CADPS2: variants seen among roughly 807,000 people sequenced by gnomAD.
The protein encoded by CADPS2 is calcium-dependent secretion activator 2.
A neutral mutation model predicts 172.5 loss-of-function variants in CADPS2; 93 were observed. That is an observed-to-expected ratio of 0.54 (90% CI 0.46 to 0.64). The LOEUF is 0.64. Among genes scored for constraint, CADPS2 ranks in the 30% least tolerant of loss-of-function variants. CADPS2 has a pLI of 0.00. For missense variants in CADPS2, 1,420 were observed against 1,565.9 expected, an observed-to-expected ratio of 0.91 and a Z score of 1.57; for synonymous variants, 546 against 555.2, an observed-to-expected ratio of 0.98 and a Z score of 0.23.
chr7:122,769,328 G>A (rs1219481976), intron 1 of CADPS2, among the ~76,000 whole-genome samples: 1 of 152,170 alleles, frequency 6.6e-6, no homozygotes, highest in African/African-American at 2.4e-5. Context: ...GATAGATAGA[G>A]CTTTCCGTAT....
intron 6 of CADPS2, among the ~76,000 whole-genome samples, chr7:122,606,169 T>A (rs1416174163): frequency 6.6e-6 from 1 of 152,186 alleles, no homozygotes; most frequent in Non-Finnish European, 1.5e-5. Context: ...ATTTGCCTTT[T>A]GAACGGTACC....
intron 14 of CADPS2, among the ~76,000 whole-genome samples, chr7:122,466,555 C>T (rs2055162626): frequency 6.6e-6 from 1 of 152,142 alleles, no homozygotes; most frequent in Non-Finnish European, 1.5e-5. Flanking sequence ...CTGATTGAAA[C>T]CTGTTTGTGG....
chr7:122,809,617 C>G (rs1799585945), intron 1 of CADPS2, among the ~76,000 whole-genome samples: 1 of 150,556 alleles, frequency 6.6e-6, no homozygotes, highest in Non-Finnish European at 1.5e-5. Flanking sequence ...ACTAGGAATT[C>G]AAGATGATGT....
At chr7:122,572,874 G>A (rs1587454647) in intron 7 of CADPS2, among the ~76,000 whole-genome samples, 1 of 152,098 alleles carries the variant, frequency 6.6e-6, no homozygotes, top group East Asian at 1.9e-4. Context: ...ACCTGGTGGA[G>A]GGTTGGCCAT....
At chr7:122,746,929 C>T (rs530720690) in intron 1 of CADPS2, among the ~76,000 whole-genome samples, 3 of 152,218 alleles carry the variant, frequency 2.0e-5, no homozygotes, top group African/African-American at 7.2e-5. Context: ...CATTATCTTC[C>T]AAAATTCTGC....
intron 2 of CADPS2, among the ~76,000 whole-genome samples, chr7:122,696,265 C>T (rs1275247714): frequency 6.6e-6 from 1 of 152,180 alleles, no homozygotes; most frequent in Non-Finnish European, 1.5e-5. Context: ...AATGACTTTA[C>T]TCTCCCAGGG....
intron 1 of CADPS2, among the ~76,000 whole-genome samples, chr7:122,838,682 C>T (rs191552094): frequency 2.0e-5 from 3 of 152,154 alleles, no homozygotes; most frequent in Middle Eastern, 3.2e-3. Flanking sequence ...TTCACAATTG[C>T]TTCAAAGAGA....
chr7:122,449,312 CT>C (rs899423682), intron 15 of CADPS2, among the ~76,000 whole-genome samples: 1 of 151,796 alleles, frequency 6.6e-6, no homozygotes, highest in African/African-American at 2.4e-5. Flanking sequence ...GGAGACAACA[CT>C]TTTTTTTGTT....
At chr7:122,582,939 A>G (rs1030850817) in intron 6 of CADPS2, among the ~76,000 whole-genome samples, 3 of 151,984 alleles carry the variant, frequency 2.0e-5, no homozygotes, top group South Asian at 2.1e-4. Flanking sequence ...TTTACACTAC[A>G]TGTTCATTTT....
At chr7:122,724,157 C>A (rs1351996261) in intron 2 of CADPS2, among the ~76,000 whole-genome samples, 1 of 151,702 alleles carries the variant, frequency 6.6e-6, no homozygotes, top group South Asian at 2.1e-4. Context: ...TGCACATATA[C>A]CCTATAACTT....
chr7:122,466,989 G>A (rs1166840441), intron 14 of CADPS2, among the ~76,000 whole-genome samples: 1 of 152,082 alleles, frequency 6.6e-6, no homozygotes, highest in Admixed American at 6.6e-5. Context: ...TTGAACTTGA[G>A]GTTGGGTGAG....
intron 4 of CADPS2, among the ~76,000 whole-genome samples, chr7:122,623,675 C>A (rs905588289): frequency 6.6e-6 from 1 of 152,158 alleles, no homozygotes; most frequent in African/African-American, 2.4e-5. Flanking sequence ...CACCTAGTTT[C>A]TCATATGCTC....
At chr7:122,701,921 T>C in intron 2 of CADPS2, 1 of 1,613,684 alleles carries the variant, frequency 6.2e-7, no homozygotes, top group Non-Finnish European at 8.5e-7. Flanking sequence ...GAAAAAATGT[T>C]TGCAAGTTAA....
intron 8 of CADPS2, among the ~76,000 whole-genome samples, chr7:122,540,838 T>C (rs2062838911): frequency 6.6e-6 from 1 of 152,160 alleles, no homozygotes; most frequent in Non-Finnish European, 1.5e-5. Flanking sequence ...TATCACAAAG[T>C]TCCAGTTTTC....
chr7:122,409,090 A>T (rs2047005789), intron 19 of CADPS2, among the ~76,000 whole-genome samples: 1 of 152,214 alleles, frequency 6.6e-6, no homozygotes, highest in Admixed American at 6.5e-5. Flanking sequence ...TTTTGCATAT[A>T]TTACCTTTGA....
In CADPS2 at chr7:122,590,489, T is replaced by C. The variant is rs143621312; in HGVS notation, c.1224-9199A>G. On this transcript the variant is annotated intron_variant, in intron 6 of 29. Coordinates refer to ENST00000449022, the MANE Select transcript of CADPS2 (RefSeq NM_017954.11). ...CAAGACTTAAGACATTCCCCTTGTATGGCTGCGCTATAATTTAGTCAATCA... is the reference window on the plus strand; with the variant it reads ...CAAGACTTAAGACATTCCCCTTGTACGGCTGCGCTATAATTTAGTCAATCA... Among the ~76,000 whole-genome samples, 490 of 152,082 alleles carry C rather than the reference T, an allele frequency of 3.2e-3. 3 individuals carry two copies. The highest frequency in any genetic ancestry group is 0.011 in the African/African-American group (474 of 41,542).
intron 1 of CADPS2, among the ~76,000 whole-genome samples, chr7:122,853,099 CTGTT>C (rs1161744590): frequency 1.3e-5 from 2 of 152,216 alleles, no homozygotes; most frequent in Non-Finnish European, 2.9e-5. Flanking sequence ...TGCCAGTCCT[CTGTT>C]TGGTCTCCCA....
At chr7:122,765,582 A>G (rs2093522787) in intron 1 of CADPS2, among the ~76,000 whole-genome samples, 1 of 152,118 alleles carries the variant, frequency 6.6e-6, no homozygotes, top group Non-Finnish European at 1.5e-5. Flanking sequence ...TTTAAAATAA[A>G]ACTATAATAG....
chr7:122,622,646 T>TTC (rs777957070), intron 4 of CADPS2, among the ~76,000 whole-genome samples: 17 of 152,194 alleles, frequency 1.1e-4, no homozygotes, highest in Non-Finnish European at 2.2e-4. Context: ...CACTTAGGTT[T>TTC]TCTCTCTTAA....
Sources: allele counts gnomAD v4.1 joint callset (sites outside exome capture counted in the v4.1 genomes callset), GRCh38; gene constraint gnomAD v4.1.1; transcripts MANE v1.5; gene names NCBI Gene and HGNC (gene_info 2026-07-23, HGNC 2026-07-21).